Variants in CEP350 observed in about 807,000 individuals in gnomAD.
The protein encoded by CEP350 is centrosomal protein 350, also known as centrosome-associated protein 350.
A neutral mutation model predicts 331.8 loss-of-function variants in CEP350; 126 were observed. The observed-to-expected ratio is 0.38, with a 90% confidence interval of 0.33 to 0.44. The LOEUF (loss-of-function observed/expected upper bound fraction) is 0.44. Among genes scored for constraint, CEP350 ranks in the 20% least tolerant of loss-of-function variants. The pLI, the probability that CEP350 is intolerant of heterozygous loss-of-function variation, is 1.00. For missense variants in CEP350, 3,406 were observed against 3,634.6 expected (o/e 0.94, Z 1.62); for synonymous variants, 1,200 against 1,259.5 (o/e 0.95, Z 1.00).
chr1:179,955,312 T>C (rs1485461125), intron 1 of CEP350, among the ~76,000 whole-genome samples, 170 bp downstream of exon 1: 1 of 152,204 alleles, frequency 6.6e-6, no homozygotes, highest in East Asian at 1.9e-4. Context: ...CTGAGGCTTT[T>C]CGGGGACCTA....
chr1:180,004,896 TTG>T (rs1558093078), intron 7 of CEP350, among the ~76,000 whole-genome samples: 469 of 44,830 alleles, frequency 0.01, 4 homozygotes, highest in Admixed American at 0.017. Flanking sequence ...GCTTGCTTGC[TTG>T]CTTGCTTGCT....
rs1208708552 is a variant in CEP350, at chr1:180,112,803, A to G, written c.*1642A>G. The G allele has an allele frequency of 6.6e-6, 1 of 152,652 alleles. No individual in the cohort carries two copies. Among genetic ancestry groups the G allele is most frequent in the East Asian group, 1.9e-4 (1 of 5,198 alleles). The allele number at this position is 152,652 out of a possible 1,614,324, so 9.5% of individuals were successfully genotyped here. On this transcript the variant is annotated 3_prime_UTR_variant, in exon 38 of 38. Coordinates refer to ENST00000367607, the MANE Select transcript of CEP350 (RefSeq NM_014810.5). The stretch of plus-strand genomic sequence containing the variant: ...ATCTTCCCTCCAAACTTGCCTTTGC[A>G]TCTTAAATATTTCACTATGCACACT...
chr1:180,015,929 T>C lies in CEP350; in HGVS notation c.2133T>C (p.Ser711=). ...AACGTCCCCCAAGTGCATCTTCCAG[T>C]AGTGACATGTCTCTCTCAGAACCTC... ...VQERPPSASS[S]SDMSLSEPPQ... The change falls in exon 11 of 38, where the codon AGT becomes AGC. Residue 711 remains serine, a synonymous_variant. Transcript: ENST00000367607. 6.2e-7 allele frequency: 1 copy of C among 1,613,844 alleles called. No homozygotes were observed. Among genetic ancestry groups the C allele is most frequent in the Non-Finnish European group, 8.5e-7 (1 of 1,179,776 alleles).
At chr1:179,988,514 C>G (rs1178819314) in intron 3 of CEP350, among the ~76,000 whole-genome samples, 1 of 152,068 alleles carries the variant, frequency 6.6e-6, no homozygotes, top group African/African-American at 2.4e-5. Context: ...AAAAGAGTTA[C>G]TTCTTTTTTG....
intron 8 of CEP350, among the ~76,000 whole-genome samples, chr1:180,008,695 A>G (rs978869227): frequency 1.3e-5 from 2 of 152,208 alleles, no homozygotes; most frequent in East Asian, 1.9e-4. Flanking sequence ...GGTAAGCAAG[A>G]TGCATCTAGC....
chr1:180,104,955 A>G (rs1661061991), intron 37 of CEP350, among the ~76,000 whole-genome samples: 1 of 151,974 alleles, frequency 6.6e-6, no homozygotes, highest in Non-Finnish European at 1.5e-5. Flanking sequence ...ACCAACTCAT[A>G]TTTCTTTAAA....
At chr1:180,008,817 G>A (rs1004404162) in intron 8 of CEP350, among the ~76,000 whole-genome samples, 6 of 152,068 alleles carry the variant, frequency 3.9e-5, no homozygotes, top group African/African-American at 1.4e-4. Context: ...GACCACCAGG[G>A]CAAAACTGAT....
intron 21 of CEP350, among the ~76,000 whole-genome samples, chr1:180,044,628 G>C (rs1656995716): frequency 7.3e-6 from 1 of 136,110 alleles, no homozygotes; most frequent in Non-Finnish European, 1.5e-5. Flanking sequence ...ATTGAACAAT[G>C]AGAACACATG....
intron 5 of CEP350, among the ~76,000 whole-genome samples, chr1:179,994,059 C>T (rs1653291869): frequency 6.6e-6 from 1 of 152,042 alleles, no homozygotes; most frequent in Non-Finnish European, 1.5e-5. Flanking sequence ...CTAGCATGTA[C>T]TAAATATTAA....
Position 179,986,260 on chromosome 1 carries a change from A to C in CEP350, c.73+6A>C. 1.3e-6 allele frequency: 2 copies of C among 1,548,228 alleles called. No individual in the cohort carries two copies. Among genetic ancestry groups the C allele is most frequent in the Middle Eastern group, 1.9e-4 (1 of 5,338 alleles). ...AAGCAAGGATACTGTTCAAGGTATG[A>C]TTTTGTTTTTTTAAACAGAACTTAA... On this transcript the variant is annotated splice_donor_region_variant and intron_variant, in intron 2 of 37. Coordinates refer to ENST00000367607, the MANE Select transcript of CEP350 (RefSeq NM_014810.5).
At chr1:179,970,860 A>G (rs1558069524) in intron 1 of CEP350, among the ~76,000 whole-genome samples, 1 of 152,218 alleles carries the variant, frequency 6.6e-6, no homozygotes, top group Non-Finnish European at 1.5e-5. Context: ...ATGTTTTGGT[A>G]TAAGACTGCC....
chr1:179,984,032 G>C (rs1247198235), intron 1 of CEP350, among the ~76,000 whole-genome samples: 1 of 152,154 alleles, frequency 6.6e-6, no homozygotes, highest in African/African-American at 2.4e-5. Context: ...GGCCCTTCTT[G>C]GAAGACAATT....
rs1656021246 is a variant in CEP350 at position 180,031,546 on chromosome 1, A to G, written c.3725+52A>G. On this transcript the variant is annotated intron_variant, in intron 15 of 37. Coordinates refer to ENST00000367607, the MANE Select transcript of CEP350 (RefSeq NM_014810.5). ...ATATATAATTAAAGATATATAATTG[A>G]TATTCAAAAAATCCATATAATGAAT... The G allele has an allele frequency of 1.2e-5, 11 of 896,552 alleles. No homozygotes were observed. The Middle Eastern group carries it at 1.1e-3, about 88-fold the overall frequency. 55.5% of individuals were successfully genotyped at this position (896,552 alleles called of 1,614,324 possible). A position where few individuals can be genotyped will look rare whatever the true frequency, so the allele number is the denominator to read the frequency against.
intron 37 of CEP350, among the ~76,000 whole-genome samples, chr1:180,109,659 G>A (rs1218423412): frequency 2.0e-5 from 3 of 151,242 alleles, no homozygotes; most frequent in South Asian, 2.1e-4. Context: ...TTTTTTAGAC[G>A]GAGTTTCACT....
At chr1:180,022,489 G>A (rs1655392027) in intron 12 of CEP350, among the ~76,000 whole-genome samples, 1 of 152,114 alleles carries the variant, frequency 6.6e-6, no homozygotes. Context: ...CATTATACTA[G>A]TCTCCCTGTT....
intron 11 of CEP350, 42 bp from the exon 12 acceptor site, chr1:180,019,907 T>C (rs1361497046): frequency 2.0e-6 from 3 of 1,507,984 alleles, no homozygotes; most frequent in African/African-American, 1.4e-5. Context: ...TTTTTTAAAA[T>C]GGTGGTTTAG....
At chr1:180,055,845 T>C (rs898748136) in intron 25 of CEP350, among the ~76,000 whole-genome samples, 2 of 152,106 alleles carry the variant, frequency 1.3e-5, no homozygotes, top group African/African-American at 4.8e-5. Context: ...TTACCCGGCC[T>C]GAATTCTATT....
chr1:180,014,480 A>G lies in CEP350; in HGVS notation c.2027A>G (p.His676Arg), dbSNP rs1654845968. The G allele has an allele frequency of 4.4e-6, 7 of 1,607,216 alleles. No homozygotes were observed. The highest frequency in any genetic ancestry group is 5.9e-6 in the Non-Finnish European group (7 of 1,177,644). ...LEKTLLEEPS[H>R]QHVTQETQAK... ...AAGACCTTGCTTGAAGAGCCATCTC[A>G]TCAACATGTTACGCAGGAAACACAG... The change falls in exon 10 of 38, where the codon CAT (histidine) becomes CGT (arginine). Residue 676 changes from histidine (H) to arginine (R), a missense_variant. By Grantham distance (29) the His-to-Arg change is conservative. This residue lies in a region of CEP350 where 1,857 missense variants were observed against 1,909.2 expected (regional missense o/e 0.97). Transcript: ENST00000367607.
chr1:179,966,901 G>T (rs562370494), intron 1 of CEP350, among the ~76,000 whole-genome samples: 12 of 152,248 alleles, frequency 7.9e-5, no homozygotes, highest in African/African-American at 2.9e-4. Flanking sequence ...TGAGTCCAGT[G>T]GGTACCTTGC....
Sources: allele counts gnomAD v4.1 joint callset (sites outside exome capture counted in the v4.1 genomes callset), GRCh38; gene constraint gnomAD v4.1.1; regional missense constraint gnomAD v4.1.1; transcripts MANE v1.5; gene names NCBI Gene and HGNC (gene_info 2026-07-23, HGNC 2026-07-21).